Variants in DSCAM observed in about 807,000 individuals in gnomAD.
DSCAM encodes cell adhesion molecule DSCAM.
Under a neutral mutation model 217.7 loss-of-function variants are expected in DSCAM, and 47 were observed. That is an observed-to-expected ratio of 0.22 (90% CI 0.17 to 0.28). The LOEUF (loss-of-function observed/expected upper bound fraction) is 0.28, where lower values mean the gene tolerates loss of function less well. Ranked by LOEUF, DSCAM falls within the 10% of genes least tolerant of loss-of-function variation. DSCAM has a pLI of 1.00. For missense variants in DSCAM, 2,080 were observed against 2,618.3 expected (o/e 0.79, Z 4.49); for synonymous variants, 1,056 against 1,015.3 (o/e 1.04, Z -0.76).
intron 3 of DSCAM, among the ~76,000 whole-genome samples, chr21:40,628,953 C>T (rs1029927341): frequency 2.0e-5 from 3 of 152,066 alleles, no homozygotes; most frequent in African/African-American, 7.2e-5. Flanking sequence ...TGACATGTTG[C>T]CCAGGTTGGT....
At chr21:40,722,873 A>T (rs1487483603) in intron 1 of DSCAM, among the ~76,000 whole-genome samples, 1 of 152,184 alleles carries the variant, frequency 6.6e-6, no homozygotes, top group Non-Finnish European at 1.5e-5. Context: ...GGGAGTGATT[A>T]TATTAATATC....
intron 11 of DSCAM, among the ~76,000 whole-genome samples, chr21:40,234,486 A>G (rs1266147598): frequency 1.3e-5 from 2 of 152,242 alleles, no homozygotes; most frequent in African/African-American, 4.8e-5. Flanking sequence ...GTGCTTTTCC[A>G]TACTTGGTAA....
At chr21:40,093,967 A>G in intron 20 of DSCAM, 93 bp from the exon 21 acceptor site, 3 of 1,360,690 alleles carry the variant, frequency 2.2e-6, no homozygotes, top group Non-Finnish European at 1.0e-6. Flanking sequence ...ATTAAATATC[A>G]TAACAAAAAA....
intron 3 of DSCAM, among the ~76,000 whole-genome samples, chr21:40,487,020 G>A (rs993963429): frequency 6.6e-6 from 1 of 152,108 alleles, no homozygotes; most frequent in African/African-American, 2.4e-5. Flanking sequence ...GGAGCACCAG[G>A]TAAGCAGGTG....
chr21:40,456,807 A>G (rs992050472), intron 3 of DSCAM, among the ~76,000 whole-genome samples: 3 of 152,220 alleles, frequency 2.0e-5, no homozygotes, highest in Non-Finnish European at 2.9e-5. Flanking sequence ...ATGGGTGCTC[A>G]CAATACAATT....
chr21:40,293,271 G>A, intron 10 of DSCAM, among the ~76,000 whole-genome samples: 1 of 152,276 alleles, frequency 6.6e-6, no homozygotes, highest in East Asian at 1.9e-4. Flanking sequence ...GGACCTTAAA[G>A]GGAGGTGAGT....
intron 1 of DSCAM, among the ~76,000 whole-genome samples, chr21:40,808,900 G>C (rs752960796): frequency 1.3e-5 from 2 of 152,164 alleles, no homozygotes; most frequent in Non-Finnish European, 2.9e-5. Flanking sequence ...TTTGTTAGGT[G>C]ACATAACCCT....
intron 3 of DSCAM, among the ~76,000 whole-genome samples, chr21:40,419,393 A>G (rs565836031): frequency 6.6e-6 from 1 of 152,316 alleles, no homozygotes; most frequent in Admixed American, 6.5e-5. Flanking sequence ...TCTGAAACAT[A>G]TATCAAAGAA....
intron 3 of DSCAM, among the ~76,000 whole-genome samples, chr21:40,406,217 A>G (rs2075278611): frequency 6.6e-6 from 1 of 152,208 alleles, no homozygotes; most frequent in South Asian, 2.1e-4. Context: ...ATAAGCTAGG[A>G]CAGTCACTAT....
intron 3 of DSCAM, among the ~76,000 whole-genome samples, chr21:40,466,797 G>C (rs1054307685): frequency 5.3e-5 from 8 of 152,264 alleles, no homozygotes; most frequent in Non-Finnish European, 8.8e-5. Flanking sequence ...TTGCATTGCT[G>C]AGAGTGGACA....
At chr21:40,143,803 A>G (rs956334637) in intron 17 of DSCAM, among the ~76,000 whole-genome samples, 1 of 152,166 alleles carries the variant, frequency 6.6e-6, no homozygotes, top group Admixed American at 6.5e-5. Context: ...AAAAAAATCT[A>G]TGATCAAATG....
chr21:40,625,005 A>G (rs975159797), intron 3 of DSCAM, among the ~76,000 whole-genome samples: 4 of 152,200 alleles, frequency 2.6e-5, no homozygotes, highest in Admixed American at 6.5e-5. Flanking sequence ...ATAAATAGGT[A>G]TTATACAAAT....
At chr21:40,514,559 A>C (rs1353880311) in intron 3 of DSCAM, among the ~76,000 whole-genome samples, 1 of 152,234 alleles carries the variant, frequency 6.6e-6, no homozygotes, top group Non-Finnish European at 1.5e-5. Context: ...CAGACAGACT[A>C]TTCACGTTGC....
intron 11 of DSCAM, among the ~76,000 whole-genome samples, chr21:40,240,633 T>C (rs540303152): frequency 2.8e-4 from 43 of 152,290 alleles, no homozygotes; most frequent in South Asian, 8.3e-4. Context: ...TTTCCTCTGC[T>C]TACTGAAACT....
chr21:40,602,850 A>G (rs2077072882), intron 3 of DSCAM, among the ~76,000 whole-genome samples: 1 of 151,408 alleles, frequency 6.6e-6, no homozygotes, highest in Non-Finnish European at 1.5e-5. Context: ...AAGTTTTATT[A>G]TTTTCTTTCT....
chr21:40,058,000 C>T (rs1329943802), intron 28 of DSCAM, among the ~76,000 whole-genome samples: 3 of 151,774 alleles, frequency 2.0e-5, no homozygotes, highest in African/African-American at 4.8e-5. Context: ...CTCAGCCTCC[C>T]GAGTAGCTGG....
chr21:40,053,754 G>A (rs114008291), intron 29 of DSCAM, among the ~76,000 whole-genome samples: 1 of 152,116 alleles, frequency 6.6e-6, no homozygotes, highest in African/African-American at 2.4e-5. Flanking sequence ...GATCTCTGGC[G>A]AACGGTCATA....
chr21:40,831,111 CT>C (rs2092008749), intron 1 of DSCAM, among the ~76,000 whole-genome samples: 4 of 152,252 alleles, frequency 2.6e-5, no homozygotes, highest in Non-Finnish European at 2.9e-5. Flanking sequence ...GTTCCACCAC[CT>C]TGCAGCCAGC....
chr21:40,095,751 C>A (rs1394094924), intron 20 of DSCAM, among the ~76,000 whole-genome samples: 1 of 152,104 alleles, frequency 6.6e-6, no homozygotes, highest in South Asian at 2.1e-4. Flanking sequence ...AGAAATCAAT[C>A]AATCAAAATT....
Sources: allele counts gnomAD v4.1 joint callset (sites outside exome capture counted in the v4.1 genomes callset), GRCh38; gene constraint gnomAD v4.1.1; transcripts MANE v1.5; gene names NCBI Gene and HGNC (gene_info 2026-07-23, HGNC 2026-07-21).